The following DENND6B variants were observed in gnomAD, a reference collection of about 807,000 sequenced individuals.
The protein encoded by DENND6B is DENN domain containing 6B.
In DENND6B, 73 loss-of-function variants were observed where a neutral mutation model predicts 85.1. The observed-to-expected ratio is 0.86, with a 90% confidence interval of 0.71 to 1.04. The LOEUF is 1.04. DENND6B is among the 50% of genes least tolerant of loss of function. The pLI is 0.00. For synonymous variants in DENND6B, 357 were observed against 329.3 expected, an observed-to-expected ratio of 1.08 and a Z score of -0.91; for missense variants, 715 against 785.8, an observed-to-expected ratio of 0.91 and a Z score of 1.08.
Position 50,310,853 on chromosome 22 carries a change from A to AGAAT in DENND6B, c.*1282_*1285dup, listed in dbSNP as rs2068050337. The AGAAT allele has an allele frequency of 6.6e-6, 1 of 152,098 alleles. No individual in the cohort carries two copies. Among genetic ancestry groups the AGAAT allele is most frequent in the Admixed American group, 6.5e-5 (1 of 15,272 alleles). 9.4% of individuals were successfully genotyped at this position (152,098 alleles called of 1,614,324 possible). On this transcript the variant is annotated 3_prime_UTR_variant, in exon 20 of 20. Coordinates refer to ENST00000413817, the MANE Select transcript of DENND6B (RefSeq NM_001001794.4). ...CAGCTACTCGGGAGGCTGAGGCAGG[A>AGAAT]GAATGGCGTGAACCCGGGAGGCAGA...
intron 1 of DENND6B, among the ~76,000 whole-genome samples, chr22:50,320,889 A>C (rs1273045646): frequency 6.6e-6 from 1 of 152,198 alleles, no homozygotes; most frequent in Non-Finnish European, 1.5e-5. Flanking sequence ...CCACATTCTC[A>C]GGCTCATCCT....
At position 50,311,657 on chromosome 22, in the gene DENND6B, C is replaced by T. The variant is rs1361886427; in HGVS notation, c.*482G>A. ...CTTCACACTGCAAAGTGGTCTCTCC[C>T]TTTCTCAAGTTGATGACTATATGCA... On this transcript the variant is annotated 3_prime_UTR_variant, in exon 20 of 20. Coordinates refer to ENST00000413817, the MANE Select transcript of DENND6B (RefSeq NM_001001794.4). The T allele has an allele frequency of 5.7e-6, 1 of 175,496 alleles. No individual in the cohort carries two copies. Among genetic ancestry groups the T allele is most frequent in the Non-Finnish European group, 1.2e-5 (1 of 81,848 alleles). 10.9% of individuals were successfully genotyped at this position (175,496 alleles called of 1,614,324 possible). A position where few individuals can be genotyped will look rare whatever the true frequency, so the allele number is the denominator to read the frequency against.
At position 50,310,189 on chromosome 22, in the gene DENND6B, T is replaced by TCAGG; in HGVS notation, c.*1946_*1949dup. Reference sequence around the variant, plus strand: ...GGAGGCTGGTCCCCCTGTGCTACAGTCAGGAGGCCCAAGCTGCATTTGGGG... The same window carrying TCAGG: ...GGAGGCTGGTCCCCCTGTGCTACAGTCAGGCAGGAGGCCCAAGCTGCATTTGGGG... On this transcript the variant is annotated 3_prime_UTR_variant, in exon 20 of 20. Transcript: ENST00000413817. The TCAGG allele has an allele frequency of 6.6e-6, 1 of 152,332 alleles. No homozygotes were observed. Among genetic ancestry groups the TCAGG allele is most frequent in the East Asian group, 1.9e-4 (1 of 5,186 alleles). 9.4% of individuals were successfully genotyped at this position (152,332 alleles called of 1,614,324 possible).
At chr22:50,315,889 AGCCTGTG>A (rs1489472367) in intron 8 of DENND6B, 120 bp from the exon 9 acceptor site, 14 of 1,519,414 alleles carry the variant, frequency 9.2e-6, no homozygotes, top group African/African-American at 1.4e-5. Flanking sequence ...ACCAACACAC[AGCCTGTG>A]GCTTTGCCTG....
rs970400806 is a variant in DENND6B, at chr22:50,313,690, C to T, written c.1238G>A (p.Ser413Asn). 2 of 1,601,310 alleles carry T rather than the reference C, an allele frequency of 1.2e-6. No homozygotes were observed. Among genetic ancestry groups the T allele is most frequent in the African/African-American group, 1.3e-5 (1 of 74,718 alleles). The change falls in exon 15 of 20, where the codon AGC (serine) becomes AAC (asparagine). Residue 413 changes from serine (S) to asparagine (N), a missense_variant. Transcript: ENST00000413817. Reference protein sequence around the residue: ...VQKKRPSDVQSALLRRHLLEL... With the variant: ...VQKKRPSDVQNALLRRHLLEL... ...CAGGAGGTGCCGCCGCAGCAGGGCG[C>T]TCTGCACATCTGACGGCCGCTTCTT...
At chr22:50,316,716 CG>C in intron 5 of DENND6B, 1 of 1,445,784 alleles carries the variant, frequency 6.9e-7, no homozygotes, top group South Asian at 1.2e-5. Context: ...CTAGGGCCTT[CG>C]GAGGGAAACG....
rs1320692422 is a variant in DENND6B at position 50,317,090 on chromosome 22, T to TGG, written c.453+201_453+202dup. 6.0e-3 allele frequency: 912 copies of TGG among 153,066 alleles called. 19 individuals are homozygous for TGG. The highest frequency in any genetic ancestry group is 0.033 in the South Asian group (889 of 26,922). 9.5% of individuals were successfully genotyped at this position (153,066 alleles called of 1,614,324 possible). A position where few individuals can be genotyped will look rare whatever the true frequency, so the allele number is the denominator to read the frequency against. ...GTGGGGGGGGGCGGCGAGGACAGGGTGGGGGGGTGGCGAGGACAGGGTGGG... is the reference window on the plus strand; with the variant it reads ...GTGGGGGGGGGCGGCGAGGACAGGGTGGGGGGGGGTGGCGAGGACAGGGTGGG... On this transcript the variant is annotated intron_variant, in intron 5 of 19. Coordinates refer to ENST00000413817, the MANE Select transcript of DENND6B (RefSeq NM_001001794.4).
chr22:50,323,113 C>T (rs1481161508), intron 1 of DENND6B, among the ~76,000 whole-genome samples: 3 of 145,848 alleles, frequency 2.1e-5, no homozygotes, highest in East Asian at 4.1e-4. Context: ...GTGATCAGCC[C>T]GCCTCAGCCT....
intron 4 of DENND6B, 122 bp from the exon 5 acceptor site, chr22:50,317,495 C>T: frequency 1.8e-6 from 2 of 1,125,918 alleles, no homozygotes; most frequent in East Asian, 2.6e-5. Flanking sequence ...AACCAGGAGG[C>T]TCCTGGAGCT....
chr22:50,314,622 G>T lies in DENND6B; in HGVS notation c.960C>A (p.Thr320=), dbSNP rs757800939. Residue 320 remains threonine (T), a synonymous_variant, in exon 11 of 20, where the codon ACC becomes ACA. Coordinates refer to ENST00000413817, the MANE Select transcript of DENND6B (RefSeq NM_001001794.4). ...TIHDSEFKEF[T]TRTQAPPNVV... is the part of the protein sequence containing the mutation. Reference sequence around the variant, plus strand: ...GCACTTACGGGGCCTGCGTGCGTGTGGTGAACTCCTTGAACTCGCTGTCAT... The same window carrying T: ...GCACTTACGGGGCCTGCGTGCGTGTTGTGAACTCCTTGAACTCGCTGTCAT... 2.6e-6 allele frequency: 4 copies of T among 1,564,840 alleles called. No homozygotes were observed. Among genetic ancestry groups the T allele is most frequent in the Admixed American group, 1.9e-5 (1 of 52,146 alleles).
At chr22:50,325,667 G>A (rs2147796471) in intron 1 of DENND6B, among the ~76,000 whole-genome samples, 1 of 152,148 alleles carries the variant, frequency 6.6e-6, no homozygotes, top group South Asian at 2.1e-4. Context: ...TGATTTTGTG[G>A]GGAACAATCT....
chr22:50,324,853 T>C (rs968235056), intron 1 of DENND6B, among the ~76,000 whole-genome samples: 2 of 152,198 alleles, frequency 1.3e-5, no homozygotes, highest in African/African-American at 4.8e-5. Context: ...CCAAGACTTA[T>C]TTACCTAAGC....
rs1436257728 is a variant in DENND6B at position 50,309,246 on chromosome 22, G to A, written c.*2893C>T. 2.0e-5 allele frequency: 3 copies of A among 152,058 alleles called. No individual in the cohort carries two copies. Among genetic ancestry groups the A allele is most frequent in the African/African-American group, 4.8e-5 (2 of 41,348 alleles). The allele number at this position is 152,058 out of a possible 1,614,324, so 9.4% of individuals were successfully genotyped here. A position where few individuals can be genotyped will look rare whatever the true frequency, so the allele number is the denominator to read the frequency against. ...CTAGGTTCTGTGGTCCCTGTCCTTC[G>A]GGAGGCCTGTGACCACAGCAGTCCT... is the stretch of plus-strand genomic sequence containing the variant. On this transcript the variant is annotated 3_prime_UTR_variant, in exon 20 of 20. Coordinates refer to ENST00000413817, the MANE Select transcript of DENND6B (RefSeq NM_001001794.4).
At chr22:50,318,564 G>C (rs1158445662) in intron 3 of DENND6B, among the ~76,000 whole-genome samples, 1 of 152,218 alleles carries the variant, frequency 6.6e-6, no homozygotes, top group East Asian at 1.9e-4. Flanking sequence ...GCAGGAGCGG[G>C]AGGGAGGCCC....
chr22:50,311,950 G>T lies in DENND6B; in HGVS notation c.*189C>A. 9.9e-7 allele frequency: 1 copy of T among 1,014,218 alleles called. No individual in the cohort carries two copies. The highest frequency in any genetic ancestry group is 1.4e-6 in the Non-Finnish European group (1 of 715,440). 62.8% of individuals were successfully genotyped at this position (1,014,218 alleles called of 1,614,324 possible). On this transcript the variant is annotated 3_prime_UTR_variant, in exon 20 of 20. Transcript: ENST00000413817. ...GCTCTGCCTGCGAGGAACCCCTATG[G>T]TCAAGGCCATGCTGTGGTTCCAAAT...
At chr22:50,317,156 G>A in intron 5 of DENND6B, 137 bp downstream of exon 5, 1 of 883,592 alleles carries the variant, frequency 1.1e-6, no homozygotes. Flanking sequence ...AGGAGAGCTG[G>A]ACACAGCCCA....
Position 50,313,113 on chromosome 22 carries a change from G to C in DENND6B, c.1348-5C>G. On this transcript the variant is annotated splice_polypyrimidine_tract_variant and splice_region_variant and intron_variant, in intron 16 of 19. Coordinates refer to ENST00000413817, the MANE Select transcript of DENND6B (RefSeq NM_001001794.4). The stretch of plus-strand genomic sequence containing the variant: ...GGGCTGGATCTGGGGGGGAGTCTGA[G>C]AGGGGATGGGTGAGCCAGCACGTGG... The C allele has an allele frequency of 6.4e-7, 1 of 1,552,332 alleles. No homozygotes were observed. The highest frequency in any genetic ancestry group is 1.2e-5 in the South Asian group (1 of 84,186).
intron 5 of DENND6B, 195 bp downstream of exon 5, chr22:50,317,098 T>TGGCGAGGACAGGGTGGGGGGC: frequency 4.9e-5 from 6 of 123,544 alleles, no homozygotes; most frequent in African/African-American, 1.9e-4. Flanking sequence ...GGTGGGGGGG[T>TGGCGAGGACAGGGTGGGGGGC]GGCGAGGACA....
At position 50,310,768 on chromosome 22, in the gene DENND6B, C is replaced by T. The variant is rs62241223; in HGVS notation, c.*1371G>A. 63,322 of 151,718 alleles carry T rather than the reference C, an allele frequency of 0.42. 13,344 individuals are homozygous for T. The highest frequency in any genetic ancestry group is 0.6 in the South Asian group (2,905 of 4,822). The allele number at this position is 151,718 out of a possible 1,614,324, so 9.4% of individuals were successfully genotyped here. On this transcript the variant is annotated 3_prime_UTR_variant, in exon 20 of 20. Transcript: ENST00000413817. Reference sequence around the variant, plus strand: ...GACCATCCTGGCTAACATGGTGAAACCCTGTCTCTACTACAAATACAAAAA... The same window carrying T: ...GACCATCCTGGCTAACATGGTGAAATCCTGTCTCTACTACAAATACAAAAA...
Sources: gnomAD v4.1 joint callset for allele counts (sites outside exome capture counted in the v4.1 genomes callset) on GRCh38, gnomAD v4.1.1 for gene constraint, MANE v1.5 for transcripts, NCBI Gene and HGNC (gene_info 2026-07-23, HGNC 2026-07-21) for gene names.